The following PTPRG variants were observed in gnomAD, a reference collection of about 807,000 sequenced individuals.
The protein encoded by PTPRG is receptor-type tyrosine-protein phosphatase gamma.
PTPRG carries 102 observed loss-of-function variants against 165.3 expected under a neutral mutation model. The observed-to-expected ratio is 0.62, with a 90% CI of 0.53 to 0.73. PTPRG has a LOEUF of 0.73. PTPRG is among the 30% of genes least tolerant of loss of function. PTPRG has a pLI of 0.00. For synonymous variants in PTPRG, 675 were observed against 669.5 expected (o/e 1.01, Z -0.13); for missense variants, 1,866 against 1,861.4 (o/e 1.00, Z -0.05).
intron 5 of PTPRG, 112 bp from the exon 6 acceptor site, chr3:62,132,490 G>A (rs1703552893): frequency 1.2e-6 from 1 of 841,640 alleles, no homozygotes; most frequent in East Asian, 2.4e-5. Flanking sequence ...TGAGACCTAA[G>A]CAGCTTGCTA....
At chr3:61,914,905 G>C (rs2038896469) in intron 2 of PTPRG, among the ~76,000 whole-genome samples, 1 of 152,144 alleles carries the variant, frequency 6.6e-6, no homozygotes, top group African/African-American at 2.4e-5. Context: ...CATATTGTTT[G>C]AGTCTTTTTA....
At chr3:62,270,826 G>A (rs1276411980) in intron 20 of PTPRG, among the ~76,000 whole-genome samples, 1 of 152,114 alleles carries the variant, frequency 6.6e-6, no homozygotes, top group Non-Finnish European at 1.5e-5. Context: ...GACACTTAAA[G>A]GAAAACTACT....
At chr3:61,901,437 T>C (rs1224123847) in intron 2 of PTPRG, among the ~76,000 whole-genome samples, 1 of 152,210 alleles carries the variant, frequency 6.6e-6, no homozygotes, top group African/African-American at 2.4e-5. Flanking sequence ...TAAGAAAGTA[T>C]TATCACTTGT....
intron 1 of PTPRG, among the ~76,000 whole-genome samples, chr3:61,621,496 G>A (rs1701456014): frequency 6.6e-6 from 1 of 152,096 alleles, no homozygotes; most frequent in African/African-American, 2.4e-5. Context: ...TGTTTTACCT[G>A]GATACTGTGC....
intron 1 of PTPRG, among the ~76,000 whole-genome samples, chr3:61,606,528 G>C (rs1701013246): frequency 2.0e-5 from 3 of 152,236 alleles, no homozygotes; most frequent in Admixed American, 2.0e-4. Flanking sequence ...TCTAAGGAGA[G>C]AAGTTCTTCT....
chr3:61,685,847 T>A (rs944429410), intron 1 of PTPRG, among the ~76,000 whole-genome samples: 2 of 152,166 alleles, frequency 1.3e-5, no homozygotes, highest in African/African-American at 4.8e-5. Context: ...GTGGCCTTTG[T>A]CAGTGTAATT....
chr3:61,938,764 G>A (rs2039541255), intron 2 of PTPRG, among the ~76,000 whole-genome samples: 1 of 152,148 alleles, frequency 6.6e-6, no homozygotes, highest in Non-Finnish European at 1.5e-5. Flanking sequence ...TTTCATTATA[G>A]TTGTCTTTTT....
intron 1 of PTPRG, among the ~76,000 whole-genome samples, chr3:61,672,313 G>A (rs1175571732): frequency 6.9e-6 from 1 of 145,384 alleles, no homozygotes; most frequent in Non-Finnish European, 1.5e-5. Flanking sequence ...CTTCCCAGAC[G>A]GGGTGGCGGC....
chr3:62,202,207 G>C (rs1410820049), intron 11 of PTPRG, among the ~76,000 whole-genome samples: 5 of 152,252 alleles, frequency 3.3e-5, no homozygotes, highest in Admixed American at 6.5e-5. Flanking sequence ...GCTCAGAGCA[G>C]CACTTCTTGT....
chr3:61,636,775 A>G (rs1379924303), intron 1 of PTPRG, among the ~76,000 whole-genome samples: 4 of 152,162 alleles, frequency 2.6e-5, no homozygotes, highest in Non-Finnish European at 5.9e-5. Flanking sequence ...ATTTGTTTCA[A>G]ATGCTTTTTT....
Position 62,267,492 on chromosome 3 carries a change from T to C in PTPRG, c.2739T>C (p.Asp913=), listed in dbSNP as rs562571992. ...HSDYINANYV[D]GYNKAKAYIA... ...ACTACATTAATGCAAACTATGTTGA[T>C]GTAAGTCAGAACTGTTATTATAAAC... Residue 913 remains aspartate, a splice_region_variant and synonymous_variant, in exon 18 of 30, where the codon GAT becomes GAC. Coordinates refer to ENST00000474889, the MANE Select transcript of PTPRG (RefSeq NM_002841.4). 19 of 1,606,076 alleles carry C rather than the reference T, an allele frequency of 1.2e-5. No homozygotes were observed. The South Asian group carries it at 1.8e-4, about 15-fold the overall frequency.
intron 2 of PTPRG, among the ~76,000 whole-genome samples, chr3:61,890,984 G>A (rs2038198208): frequency 1.3e-5 from 2 of 152,080 alleles, no homozygotes; most frequent in Middle Eastern, 3.4e-3. Flanking sequence ...ATGTTTTTAC[G>A]GATAGCAACT....
At chr3:61,957,085 G>A (rs891017506) in intron 2 of PTPRG, among the ~76,000 whole-genome samples, 3 of 152,138 alleles carry the variant, frequency 2.0e-5, no homozygotes, top group African/African-American at 7.2e-5. Context: ...CATGCTGCTT[G>A]TCTATAAATA....
intron 5 of PTPRG, among the ~76,000 whole-genome samples, chr3:62,100,280 G>A (rs1247962345): frequency 6.6e-6 from 1 of 152,144 alleles, no homozygotes; most frequent in Non-Finnish European, 1.5e-5. Flanking sequence ...CTGGTGACCT[G>A]TGTGGTGGGA....
intron 5 of PTPRG, among the ~76,000 whole-genome samples, chr3:62,094,654 G>A (rs1702050211): frequency 6.6e-6 from 1 of 152,328 alleles, no homozygotes; most frequent in South Asian, 2.1e-4. Flanking sequence ...GGCAGCACCT[G>A]CTGAGTTGCT....
intron 2 of PTPRG, among the ~76,000 whole-genome samples, chr3:61,923,122 TAC>T (rs2039120313): frequency 7.5e-6 from 1 of 133,840 alleles, no homozygotes; most frequent in Admixed American, 7.6e-5. Flanking sequence ...GCTTAGTAGG[TAC>T]TGATTAAAAT....
chr3:62,186,784 C>A (rs928014485), intron 8 of PTPRG, among the ~76,000 whole-genome samples: 1 of 151,974 alleles, frequency 6.6e-6, no homozygotes, highest in Non-Finnish European at 1.5e-5. Context: ...CCAGGTTGCT[C>A]TCGAACTCCT....
In PTPRG at chr3:61,727,210, A is replaced by AT. The variant is rs59634619; in HGVS notation, c.86-21653dup. Among the ~76,000 whole-genome samples the AT allele has an allele frequency of 5.7e-3, 827 of 144,746 alleles. 3 individuals are homozygous for AT. The highest frequency in any genetic ancestry group is 0.011 in the Middle Eastern group (3 of 280). 95.0% of individuals were successfully genotyped at this position (144,746 alleles called of 152,430 possible). ...TAAGTCATTGTAGTGTAAAATCATAATTTTTTTTTTTTTTTGAGATGGAGT... is the reference window on the plus strand; with the variant it reads ...TAAGTCATTGTAGTGTAAAATCATAATTTTTTTTTTTTTTTTGAGATGGAGT... On this transcript the variant is annotated intron_variant, in intron 1 of 29. Coordinates refer to ENST00000474889, the MANE Select transcript of PTPRG (RefSeq NM_002841.4).
intron 1 of PTPRG, among the ~76,000 whole-genome samples, chr3:61,728,749 A>G (rs2106823913): frequency 6.6e-6 from 1 of 152,032 alleles, no homozygotes; most frequent in Admixed American, 6.6e-5. Flanking sequence ...GCTTAAAAGG[A>G]CCAGGGAGCA....
Sources: gnomAD v4.1 joint callset for allele counts (sites outside exome capture counted in the v4.1 genomes callset) on GRCh38, gnomAD v4.1.1 for gene constraint, MANE v1.5 for transcripts, NCBI Gene and HGNC (gene_info 2026-07-23, HGNC 2026-07-21) for gene names.